The following ADGRE5 variants were observed in gnomAD, a reference collection of about 807,000 sequenced individuals.
ADGRE5 encodes adhesion G protein-coupled receptor E5.
Under a neutral mutation model 100.3 loss-of-function variants are expected in ADGRE5, and 72 were observed. The ratio of observed to expected loss-of-function variants is 0.72; its 90% confidence interval spans 0.59 to 0.87. The LOEUF (loss-of-function observed/expected upper bound fraction) is 0.87, where lower values mean the gene tolerates loss of function less well. ADGRE5 is among the 40% of genes least tolerant of loss of function. The pLI, the probability that ADGRE5 is intolerant of heterozygous loss-of-function variation, is 0.00. For synonymous variants in ADGRE5, 439 were observed against 447.8 expected (o/e 0.98, Z 0.25); for missense variants, 959 against 1,094.7 (o/e 0.88, Z 1.75).
intron 1 of ADGRE5, among the ~76,000 whole-genome samples, chr19:14,382,271 G>T (rs906332019): frequency 6.6e-6 from 1 of 152,204 alleles, no homozygotes; most frequent in Non-Finnish European, 1.5e-5. Context: ...CCCTGGGCCA[G>T]CCCCAAGTGG....
chr19:14,384,907 T>C (rs1339850863), intron 1 of ADGRE5, among the ~76,000 whole-genome samples: 1 of 151,128 alleles, frequency 6.6e-6, no homozygotes, highest in Non-Finnish European at 1.5e-5. Flanking sequence ...CCAGCTTGTC[T>C]CCTTTCTCCT....
intron 11 of ADGRE5, among the ~76,000 whole-genome samples, chr19:14,402,007 T>C (rs1976032200): frequency 6.6e-6 from 1 of 152,064 alleles, no homozygotes; most frequent in African/African-American, 2.4e-5. Flanking sequence ...GGCACGTGCC[T>C]GTAGTCCCAG....
At chr19:14,382,632 G>A (rs1438201652) in intron 1 of ADGRE5, among the ~76,000 whole-genome samples, 2 of 152,106 alleles carry the variant, frequency 1.3e-5, no homozygotes, top group African/African-American at 4.8e-5. Context: ...AGAGGCCGAG[G>A]CAGGTGGATC....
In ADGRE5 at chr19:14,408,280, A is replaced by AC. The variant is rs1193984791; in HGVS notation, c.*159_*160insC. On this transcript the variant is annotated 3_prime_UTR_variant, in exon 20 of 20. Coordinates refer to ENST00000242786, the MANE Select transcript of ADGRE5 (RefSeq NM_078481.4). ...GGAGTGGCAGCTATAGTCTGGCACC[A>AC]AAGTCCAGGACACCCAGTGGGGTGG... The AC allele has an allele frequency of 4.2e-5, 34 of 811,222 alleles. No individual in the cohort carries two copies. The highest frequency in any genetic ancestry group is 6.1e-5 in the Non-Finnish European group (30 of 493,724). The allele number at this position is 811,222 out of a possible 1,614,324, so 50.3% of individuals were successfully genotyped here. A position where few individuals can be genotyped will look rare whatever the true frequency, so the allele number is the denominator to read the frequency against.
In ADGRE5 at chr19:14,388,487, C is replaced by G. The variant is rs1327426817; in HGVS notation, c.60C>G (p.Thr20=). Residue 20 remains threonine (T), a synonymous_variant, in exon 2 of 20, where the codon ACC becomes ACG. Transcript: ENST00000242786. ...CVWLTLPGAE[T]QDSRGCARWC... is the part of the protein sequence containing the mutation. ...GGCTGACTCTGCCGGGAGCTGAAAC[C>G]CAGGACTCCAGGGGTGAGTCTGCTG... 1 of 1,598,878 alleles carries G rather than the reference C, an allele frequency of 6.3e-7. No homozygotes were observed.
intron 1 of ADGRE5, among the ~76,000 whole-genome samples, chr19:14,385,212 A>G (rs900112811): frequency 9.3e-5 from 14 of 150,224 alleles, no homozygotes; most frequent in Non-Finnish European, 2.1e-4. Context: ...GGGTTTCACT[A>G]TGTTGGCCAG....
rs1220986701 is a variant in ADGRE5 at position 14,398,034 on chromosome 19, C to G, written c.820-28C>G. 4 of 1,610,236 alleles carry G rather than the reference C, an allele frequency of 2.5e-6. No homozygotes were observed. In the African/African-American group the frequency reaches 4.0e-5, roughly 16 times the overall value. Reference sequence around the variant, plus strand: ...ACTTCCCACCCGCCGTCCAGGCTCTCTGACCCCCACATCTCCTCTCTCTGC... The same window carrying G: ...ACTTCCCACCCGCCGTCCAGGCTCTGTGACCCCCACATCTCCTCTCTCTGC... On this transcript the variant is annotated intron_variant, in intron 8 of 19. Transcript: ENST00000242786.
Position 14,406,871 on chromosome 19 carries a change from C to G in ADGRE5, c.2118C>G (p.Cys706Trp), listed in dbSNP as rs767449253. The change falls in exon 17 of 20, where the codon TGC (cysteine) becomes TGG (tryptophan). Residue 706 changes from cysteine to tryptophan, a missense_variant and splice_region_variant. By Grantham distance (215) the Cys-to-Trp change is radical. Coordinates refer to ENST00000242786, the MANE Select transcript of ADGRE5 (RefSeq NM_078481.4). This position sits in a 1 kb window ranked among gnomAD's most constrained non-coding sequence, Gnocchi z 6.0. ...FLGPVTFIIL[C>W]NAVIFVTTVW... ...CCCACAATCTGCTCCCTGCCCAGTG[C>G]AATGCTGTCATTTTCGTGACTACCG... The G allele has an allele frequency of 2.5e-6, 4 of 1,613,900 alleles. No individual in the cohort carries two copies. The South Asian group carries it at 4.4e-5, about 18-fold the overall frequency.
At chr19:14,396,034 C>T (rs2146360549) in intron 4 of ADGRE5, among the ~76,000 whole-genome samples, 1 of 152,366 alleles carries the variant, frequency 6.6e-6, no homozygotes, top group Middle Eastern at 3.4e-3. Context: ...GCATTTGGTT[C>T]TCAGGAAGGC....
intron 4 of ADGRE5, among the ~76,000 whole-genome samples, chr19:14,392,915 A>AG (rs1336466685): frequency 6.6e-6 from 1 of 150,862 alleles, no homozygotes; most frequent in African/African-American, 2.4e-5. Flanking sequence ...AAAAAAAAAA[A>AG]AAATGGCTAG....
intron 1 of ADGRE5, among the ~76,000 whole-genome samples, chr19:14,381,781 T>A (rs1409729909): frequency 1.3e-5 from 2 of 152,096 alleles, no homozygotes; most frequent in Admixed American, 6.5e-5. Flanking sequence ...CCTGGAGGGA[T>A]CCTCAAGCTT....
chr19:14,390,618 C>T (rs2146353378), intron 3 of ADGRE5, among the ~76,000 whole-genome samples: 1 of 152,234 alleles, frequency 6.6e-6, no homozygotes, highest in Admixed American at 6.6e-5. Flanking sequence ...GCCACTGCAC[C>T]CGGCCGCCAT....
Position 14,406,609 on chromosome 19 carries a change from TCA to T in ADGRE5, c.2048+55_2048+56del. The T allele has an allele frequency of 1.9e-6, 3 of 1,595,128 alleles. No individual in the cohort carries two copies. The highest frequency in any genetic ancestry group is 2.6e-6 in the Non-Finnish European group (3 of 1,163,518). ...GAAGGCGGGGTGCTGGGCCTGGGGCTCACAGGCAGTGCCACACACAATGTCCG... is the reference window on the plus strand; with the variant it reads ...GAAGGCGGGGTGCTGGGCCTGGGGCTCAGGCAGTGCCACACACAATGTCCG... On this transcript the variant is annotated intron_variant, in intron 15 of 19. Coordinates refer to ENST00000242786, the MANE Select transcript of ADGRE5 (RefSeq NM_078481.4). The surrounding 1 kb of genome is among the most constrained non-coding windows in gnomAD (Gnocchi z 6.0).
chr19:14,384,373 C>T (rs1215803747), intron 1 of ADGRE5, among the ~76,000 whole-genome samples: 2 of 152,150 alleles, frequency 1.3e-5, no homozygotes, highest in African/African-American at 4.8e-5. Context: ...TCATAACAGA[C>T]CCCAAAATTC....
At chr19:14,400,235 T>C (rs1447935046) in intron 9 of ADGRE5, among the ~76,000 whole-genome samples, 6 of 152,034 alleles carry the variant, frequency 3.9e-5, no homozygotes, top group Non-Finnish European at 5.9e-5. Context: ...TTAGCCAGGA[T>C]GGTCTCGATC....
At chr19:14,388,614 C>CT in intron 2 of ADGRE5, 88 bp from the exon 3 acceptor site, 1 of 1,608,656 alleles carries the variant, frequency 6.2e-7, no homozygotes, top group Non-Finnish European at 8.5e-7. Flanking sequence ...GCACGAGAAA[C>CT]TCAGCGCCCT....
intron 3 of ADGRE5, 98 bp from the exon 4 acceptor site, chr19:14,390,826 T>G: frequency 6.8e-7 from 1 of 1,463,108 alleles, no homozygotes; most frequent in East Asian, 2.4e-5. Flanking sequence ...CAAAAGATAC[T>G]AAGCAGCAGG....
Position 14,391,041 on chromosome 19 carries a change from C to T in ADGRE5, c.308C>T (p.Ala103Val), listed in dbSNP as rs974764682. The T allele has an allele frequency of 3.8e-5, 61 of 1,614,054 alleles. No individual in the cohort carries two copies. Among genetic ancestry groups the T allele is most frequent in the Non-Finnish European group, 5.0e-5 (59 of 1,180,044 alleles). ...CSPGYEPVSG[A>V]KTFKNESENT... Reference sequence around the variant, plus strand: ...CCGGGATATGAGCCTGTTTCTGGGGCAAAAACATTCAAGAATGAGAGCGAG... The same window carrying T: ...CCGGGATATGAGCCTGTTTCTGGGGTAAAAACATTCAAGAATGAGAGCGAG... The change falls in exon 4 of 20, where the codon GCA becomes GTA. Residue 103 changes from alanine to valine, a missense_variant. Ala to Val is a moderately conservative substitution (Grantham distance 64, BLOSUM62 0). Around this residue, in one of 6 missense-constraint regions of ADGRE5, gnomAD observed 114 missense variants for 195.7 expected, o/e 0.58. Coordinates refer to ENST00000242786, the MANE Select transcript of ADGRE5 (RefSeq NM_078481.4).
Position 14,402,698 on chromosome 19 carries a change from A to T in ADGRE5, c.1285A>T (p.Ile429Leu), listed in dbSNP as rs377486765. ...CAAGAAGCAAGCCGAACTGGAGGAG[A>T]TATATGAAAGCAGCATCCGTGGTGT... ...HSKKQAELEE[I>L]YESSIRGVQL... Residue 429 changes from isoleucine (I) to leucine (L), a missense_variant, in exon 12 of 20, where the codon ATA becomes TTA. Ile to Leu is a conservative substitution (Grantham distance 5, BLOSUM62 2). Coordinates refer to ENST00000242786, the MANE Select transcript of ADGRE5 (RefSeq NM_078481.4). 21 of 1,613,956 alleles carry T rather than the reference A, an allele frequency of 1.3e-5. No homozygotes were observed. The East Asian group carries it at 4.5e-4, about 34-fold the overall frequency.
Sources: allele counts gnomAD v4.1 joint callset (sites outside exome capture counted in the v4.1 genomes callset), GRCh38; gene constraint gnomAD v4.1.1; regional missense constraint gnomAD v4.1.1; non-coding constraint Gnocchi (gnomAD v3.1); transcripts MANE v1.5; gene names NCBI Gene and HGNC (gene_info 2026-07-23, HGNC 2026-07-21).